The following CTPS2 variants were observed in gnomAD, a reference collection of about 807,000 sequenced individuals.
CTPS2 encodes the protein CTP synthase 2, also known as CTP synthase II.
Under a neutral mutation model 46.8 loss-of-function variants are expected in CTPS2, and 19 were observed. That is an observed-to-expected ratio of 0.41 (90% CI 0.28 to 0.60). CTPS2 has a LOEUF of 0.60. Ranked by LOEUF, CTPS2 falls within the 20% of genes least tolerant of loss-of-function variation. The pLI is 0.35. For missense variants in CTPS2, 286 were observed against 447.6 expected, an observed-to-expected ratio of 0.64 and a Z score of 3.26; for synonymous variants, 151 against 165.2, an observed-to-expected ratio of 0.91 and a Z score of 0.66.
At chrX:16,682,883 C>T (rs1208815592) in intron 9 of CTPS2, among the ~76,000 whole-genome samples, 3 of 112,106 alleles carry the variant, frequency 2.7e-5, no homozygotes, top group Non-Finnish European at 5.6e-5. Context: ...TCACCCTGCA[C>T]GACTTTTCCT....
chrX:16,658,633 G>T (rs1932875180), intron 13 of CTPS2, among the ~76,000 whole-genome samples: 1 of 112,459 alleles, frequency 8.9e-6, no homozygotes, highest in African/African-American at 3.2e-5. Context: ...TTTCCCAAAA[G>T]GTTGTATGGA....
At chrX:16,593,199 G>A (rs1357991874) in intron 17 of CTPS2, among the ~76,000 whole-genome samples, 1 of 111,686 alleles carries the variant, frequency 9.0e-6, no homozygotes, top group Non-Finnish European at 1.9e-5. Flanking sequence ...GGAGGCCAAG[G>A]TGGGCGGATC....
chrX:16,693,120 T>C, intron 6 of CTPS2, 21 bp downstream of exon 6: 1 of 1,094,192 alleles, frequency 9.1e-7, no homozygotes, highest in Non-Finnish European at 1.3e-6. Flanking sequence ...AGGATAGACT[T>C]ACCCACTGTC....
chrX:16,703,455 A>C (rs1031836425), intron 1 of CTPS2, among the ~76,000 whole-genome samples: 4 of 109,157 alleles, frequency 3.7e-5, no homozygotes, highest in Non-Finnish European at 7.6e-5. Flanking sequence ...CTCAGGCTCC[A>C]GAGTGGCTGG....
At chrX:16,609,930 A>G (rs748455887) in intron 16 of CTPS2, among the ~76,000 whole-genome samples, 1 of 112,092 alleles carries the variant, frequency 8.9e-6, no homozygotes, top group Non-Finnish European at 1.9e-5. Context: ...AAATTTTTGA[A>G]TGGCAAGAAG....
intron 14 of CTPS2, among the ~76,000 whole-genome samples, chrX:16,632,328 A>G (rs1290167118): frequency 8.9e-6 from 1 of 112,183 alleles, no homozygotes; most frequent in Non-Finnish European, 1.9e-5. Context: ...TAAAAAATCG[A>G]GGTATAATTT....
intron 4 of CTPS2, among the ~76,000 whole-genome samples, chrX:16,694,035 A>G (rs1193976599): frequency 3.6e-5 from 4 of 110,020 alleles, no homozygotes; most frequent in South Asian, 3.9e-4. Context: ...GTGGTGGGGC[A>G]CACCTGTAGT....
At chrX:16,678,878 TA>T (rs1178622329) in intron 9 of CTPS2, among the ~76,000 whole-genome samples, 2 of 106,753 alleles carry the variant, frequency 1.9e-5, no homozygotes, top group Non-Finnish European at 3.9e-5. Context: ...AAAAAAAATT[TA>T]AAAAAAAAGC....
intron 14 of CTPS2, among the ~76,000 whole-genome samples, chrX:16,626,297 G>T (rs1015346863): frequency 1.8e-5 from 2 of 111,079 alleles, no homozygotes; most frequent in African/African-American, 3.3e-5. Context: ...CAGGAGAATC[G>T]CTTGAACCTG....
chrX:16,613,879 C>CT (rs1325693700), intron 16 of CTPS2, among the ~76,000 whole-genome samples: 2 of 111,786 alleles, frequency 1.8e-5, no homozygotes, highest in Non-Finnish European at 3.8e-5. Context: ...GCGTGAGCCA[C>CT]TGCACCTGGC....
chrX:16,693,460 C>G lies in CTPS2; in HGVS notation c.466G>C (p.Gly156Arg), dbSNP rs1923864318. 8.3e-7 allele frequency: 1 copy of G among 1,204,215 alleles called. No individual in the cohort carries two copies. The highest frequency in any genetic ancestry group is 1.1e-6 in the Non-Finnish European group (1 of 890,703). ...ELGGTIGDIEGMPFVEAFRQF... is the reference protein window; with the variant it reads ...ELGGTIGDIERMPFVEAFRQF... ...CTAAACGCCTCCACAAACGGCATTCCTTCGATGTCTCCAATGGTGCCTCCC... is the reference window on the plus strand; with the variant it reads ...CTAAACGCCTCCACAAACGGCATTCGTTCGATGTCTCCAATGGTGCCTCCC... The change falls in exon 5 of 19, where the codon GGA becomes CGA. Residue 156 changes from glycine (G) to arginine (R), a missense_variant. Physicochemically the swap from Gly to Arg is moderately radical, Grantham distance 125. Coordinates refer to ENST00000359276, the MANE Select transcript of CTPS2 (RefSeq NM_175859.3).
rs1463985493 is a variant in CTPS2, at chrX:16,588,541, G to A, written c.*1276C>T. 5.9e-5 allele frequency: 1 copy of A among 17,059 alleles called. No individual in the cohort carries two copies. Among genetic ancestry groups the A allele is most frequent in the Non-Finnish European group, 1.0e-4 (1 of 9,917 alleles). The allele number at this position is 17,059 out of a possible 1,213,427, so 1.4% of individuals were successfully genotyped here. A position where few individuals can be genotyped will look rare whatever the true frequency, so the allele number is the denominator to read the frequency against. ...TGCATGAAAAAATGCTCTAGTGGGG[G>A]TGAGCCAAAGCCAAGCCCCCCTTCC... is the stretch of plus-strand genomic sequence containing the variant. On this transcript the variant is annotated 3_prime_UTR_variant, in exon 19 of 19. Coordinates refer to ENST00000359276, the MANE Select transcript of CTPS2 (RefSeq NM_175859.3).
At chrX:16,650,511 CTTTTTTTTTTTTT>C (rs1167079038) in intron 13 of CTPS2, among the ~76,000 whole-genome samples, 1 of 77,209 alleles carries the variant, frequency 1.3e-5, no homozygotes, top group Non-Finnish European at 2.4e-5. Context: ...TCTAAGATGT[CTTTTTTTTTTTTT>C]TTTTTTTTTT....
At chrX:16,691,467 A>G (rs1405051648) in intron 7 of CTPS2, 73 bp downstream of exon 7, 37 of 848,994 alleles carry the variant, frequency 4.4e-5, no homozygotes, top group Non-Finnish European at 6.1e-5. Flanking sequence ...TAATATGATC[A>G]TTGAAGAGGT....
chrX:16,635,781 C>A (rs965332781), intron 14 of CTPS2, among the ~76,000 whole-genome samples: 11 of 112,458 alleles, frequency 9.8e-5, no homozygotes, highest in Non-Finnish European at 1.9e-4. Flanking sequence ...TCTGGCACAG[C>A]CTTTTTTGGA....
chrX:16,657,291 C>A (rs928278672), intron 13 of CTPS2, among the ~76,000 whole-genome samples: 1 of 106,090 alleles, frequency 9.4e-6, no homozygotes, highest in African/African-American at 3.5e-5. Flanking sequence ...GATGACTCTC[C>A]GAGGTGGGCA....
chrX:16,655,355 T>C (rs917296633), intron 13 of CTPS2, among the ~76,000 whole-genome samples: 3 of 111,536 alleles, frequency 2.7e-5, no homozygotes, highest in African/African-American at 9.8e-5. Flanking sequence ...CCCTCTCAAC[T>C]CTTGGCATCC....
At chrX:16,678,007 GA>G (rs1194366282) in intron 10 of CTPS2, among the ~76,000 whole-genome samples, 3 of 109,657 alleles carry the variant, frequency 2.7e-5, no homozygotes, top group Non-Finnish European at 5.7e-5. Context: ...AAAAGAGAGA[GA>G]AAAAAAAAGC....
At chrX:16,615,651 G>A (rs1238771908) in intron 16 of CTPS2, among the ~76,000 whole-genome samples, 1 of 111,759 alleles carries the variant, frequency 8.9e-6, no homozygotes, top group Non-Finnish European at 1.9e-5. Flanking sequence ...AGGCCTTTCT[G>A]GGTTTCCCTG....
Sources: allele counts gnomAD v4.1 joint callset (sites outside exome capture counted in the v4.1 genomes callset), GRCh38; gene constraint gnomAD v4.1.1; transcripts MANE v1.5; gene names NCBI Gene and HGNC (gene_info 2026-07-23, HGNC 2026-07-21).